The following LAS1L variants were observed in gnomAD, a reference collection of about 807,000 sequenced individuals.
LAS1L encodes the protein LAS1 like ribosome biogenesis factor.
A neutral mutation model predicts 57.3 loss-of-function variants in LAS1L; 5 were observed. The observed-to-expected ratio is 0.09, with a 90% CI of 0.05 to 0.18. LAS1L has a LOEUF of 0.18. LAS1L is among the 10% of genes least tolerant of loss of function. LAS1L has a pLI of 1.00. For synonymous variants in LAS1L, 245 were observed against 231.7 expected (o/e 1.06, Z -0.52); for missense variants, 360 against 568.3 (o/e 0.63, Z 3.73).
At chrX:65,533,180 G>A (rs1231708548) in intron 2 of LAS1L, among the ~76,000 whole-genome samples, 1 of 111,130 alleles carries the variant, frequency 9.0e-6, no homozygotes, top group Admixed American at 9.6e-5. Context: ...GTGTTCATGA[G>A]GGAGAGAAGG....
At chrX:65,534,454 C>A in intron 1 of LAS1L, 26 bp downstream of exon 1, 1 of 1,130,688 alleles carries the variant, frequency 8.8e-7, no homozygotes, top group South Asian at 1.9e-5. Flanking sequence ...AGCACGCAGG[C>A]AAAAGGGCCG....
At chrX:65,525,747 T>TTAAAAAAAAAAAAAAAAAA (rs2069097345) in intron 7 of LAS1L, among the ~76,000 whole-genome samples, 1 of 57,360 alleles carries the variant, frequency 1.7e-5, no homozygotes, top group African/African-American at 5.1e-4. Context: ...GTCTGATTTT[T>TTAAAAAAAAAAAAAAAAAA]CAAAAAAAAA....
chrX:65,534,719 G>C lies in LAS1L; in HGVS notation c.-4C>G. ...CGGCCCCGGATTCCCACGACATACT[G>C]AGCTCAACAACAGGCTCTGTGCCGC... On this transcript the variant is annotated 5_prime_UTR_variant, in exon 1 of 14. Coordinates refer to ENST00000374811, the MANE Select transcript of LAS1L (RefSeq NM_031206.7). 8.7e-7 allele frequency: 1 copy of C among 1,154,085 alleles called. No homozygotes were observed.
intron 12 of LAS1L, among the ~76,000 whole-genome samples, chrX:65,517,325 G>A (rs1429516869): frequency 9.5e-6 from 1 of 105,622 alleles, no homozygotes. Flanking sequence ...TCGGCTCACT[G>A]CAAGCTCCAC....
Position 65,529,213 on chromosome X carries a change from G to T in LAS1L, c.845C>A (p.Thr282Lys). 8.3e-7 allele frequency: 1 copy of T among 1,207,267 alleles called. No homozygotes were observed. Among genetic ancestry groups the T allele is most frequent in the Non-Finnish European group, 1.1e-6 (1 of 891,532 alleles). ...LLVSYEEEQF[T>K]VLEKFRYLPK... ...ACCAAGTCCAGGGCACTTTCTTACCGTAAACTGCTCCTCTTCGTATGATAC... is the reference window on the plus strand; with the variant it reads ...ACCAAGTCCAGGGCACTTTCTTACCTTAAACTGCTCCTCTTCGTATGATAC... Residue 282 changes from threonine to lysine, a missense_variant and splice_region_variant, in exon 6 of 14, where the codon ACG becomes AAG. Physicochemically the swap from Thr to Lys is moderately conservative, Grantham distance 78. Around this residue, in one of 7 missense-constraint regions of LAS1L, gnomAD observed 81 missense variants for 192.1 expected, o/e 0.42. Transcript: ENST00000374811.
chrX:65,516,540 C>T, intron 12 of LAS1L, among the ~76,000 whole-genome samples: 1 of 109,656 alleles, frequency 9.1e-6, no homozygotes, highest in East Asian at 2.9e-4. Flanking sequence ...ACCTATTAGC[C>T]CTCATGGATT....
At chrX:65,515,339 T>G (rs753622991) in intron 12 of LAS1L, among the ~76,000 whole-genome samples, 1 of 110,894 alleles carries the variant, frequency 9.0e-6, no homozygotes, top group Non-Finnish European at 1.9e-5. Flanking sequence ...CCTATTTCCC[T>G]GTCTGTAGAC....
chrX:65,515,972 C>T (rs951105251), intron 12 of LAS1L, among the ~76,000 whole-genome samples: 2 of 111,994 alleles, frequency 1.8e-5, no homozygotes, highest in Non-Finnish European at 3.8e-5. Flanking sequence ...ACGCCTACCA[C>T]ACAGTATTAT....
intron 10 of LAS1L, 82 bp from the exon 11 acceptor site, chrX:65,523,789 C>T: frequency 9.9e-7 from 1 of 1,013,440 alleles, no homozygotes; most frequent in Non-Finnish European, 1.3e-6. Context: ...TTGGCTCTGT[C>T]CCTCCCCATC....
intron 1 of LAS1L, 31 bp from the exon 2 acceptor site, chrX:65,533,766 A>G: frequency 8.3e-7 from 1 of 1,206,302 alleles, no homozygotes; most frequent in Non-Finnish European, 1.1e-6. Flanking sequence ...ACCATCATAA[A>G]GAGCCCTTAC....
intron 3 of LAS1L, among the ~76,000 whole-genome samples, chrX:65,532,026 G>A (rs1231814655): frequency 2.7e-5 from 3 of 112,177 alleles, no homozygotes; most frequent in South Asian, 3.7e-4. Flanking sequence ...TAACAATCAC[G>A]TTCTCCAGCC....
intron 3 of LAS1L, among the ~76,000 whole-genome samples, chrX:65,531,682 T>A (rs921766514): frequency 8.9e-6 from 1 of 112,254 alleles, no homozygotes; most frequent in Admixed American, 9.4e-5. Context: ...GCACAGTGGC[T>A]CATGCCTGTA....
chrX:65,533,821 A>T (rs2069633191), intron 1 of LAS1L, 86 bp from the exon 2 acceptor site: 2 of 1,000,275 alleles, frequency 2.0e-6, no homozygotes, highest in Admixed American at 2.6e-5. Context: ...TGCAGGCTAC[A>T]CCCATCATAT....
At chrX:65,513,455 C>T (rs1477073094) in intron 13 of LAS1L, among the ~76,000 whole-genome samples, 1 of 112,483 alleles carries the variant, frequency 8.9e-6, no homozygotes, top group Non-Finnish European at 1.9e-5. Flanking sequence ...GTCCTTCCAG[C>T]TGGGTGAGGG....
Position 65,533,750 on chromosome X carries a change from T to A in LAS1L, c.237-15A>T. 8.3e-7 allele frequency: 1 copy of A among 1,209,357 alleles called. No individual in the cohort carries two copies. On this transcript the variant is annotated splice_polypyrimidine_tract_variant and intron_variant, in intron 1 of 13. Transcript: ENST00000374811. ...CGTTGCCTGACCTAAAGGGTCACAG[T>A]CCAGCACCATCATAAAGAGCCCTTA...
chrX:65,520,685 T>C lies in LAS1L; in HGVS notation c.1449-2220A>G, dbSNP rs183275120. On this transcript the variant is annotated intron_variant, in intron 11 of 13. Coordinates refer to ENST00000374811, the MANE Select transcript of LAS1L (RefSeq NM_031206.7). ...GCTTATCTGGGAAAGGCAGGATCTG[T>C]GCACAAGAAATCGTACCCAAGTGAG... 1.0e-3 allele frequency: 773 copies of C among 752,437 alleles called. 3 individuals are homozygous for C. The African/African-American group carries it at 0.015, about 15-fold the overall frequency. 62.0% of individuals were successfully genotyped at this position (752,437 alleles called of 1,213,427 possible).
intron 7 of LAS1L, among the ~76,000 whole-genome samples, chrX:65,526,661 G>A (rs976415462): frequency 1.3e-4 from 15 of 111,443 alleles, no homozygotes; most frequent in Non-Finnish European, 2.4e-4. Flanking sequence ...CGTTCTTAGC[G>A]GAAAGTCCCC....
chrX:65,523,071 A>G (rs1348026265), intron 11 of LAS1L: 3 of 113,106 alleles, frequency 2.7e-5, no homozygotes, highest in African/African-American at 6.5e-5. Flanking sequence ...CACAGGAGGT[A>G]TGGCTACCAT....
Position 65,524,134 on chromosome X carries a change from C to T in LAS1L, c.1222G>A (p.Ala408Thr), listed in dbSNP as rs2069001621. Residue 408 changes from alanine to threonine, a missense_variant, in exon 10 of 14, where the codon GCC becomes ACC. By Grantham distance (58) the Ala-to-Thr change is moderately conservative. This residue lies in a region of LAS1L where 81 missense variants were observed against 192.1 expected (regional missense o/e 0.42). Coordinates refer to ENST00000374811, the MANE Select transcript of LAS1L (RefSeq NM_031206.7). The stretch of plus-strand genomic sequence containing the variant: ...GGCCGGATCCCGCTGATCCCCAAGG[C>T]TGGCAGTTCAGAGAGCATCCTCTCC... ...LLERMLSELPALGISGIRPTY... is the reference protein window; with the variant it reads ...LLERMLSELPTLGISGIRPTY... The T allele has an allele frequency of 8.3e-7, 1 of 1,209,558 alleles. No homozygotes were observed. The highest frequency in any genetic ancestry group is 1.8e-5 in the South Asian group (1 of 56,644).
Sources: gnomAD v4.1 joint callset for allele counts (sites outside exome capture counted in the v4.1 genomes callset) on GRCh38, gnomAD v4.1.1 for gene constraint, gnomAD v4.1.1 regional missense constraint, MANE v1.5 for transcripts, NCBI Gene and HGNC (gene_info 2026-07-23, HGNC 2026-07-21) for gene names.